The following DCUN1D1 variants were observed in gnomAD, a reference collection of about 807,000 sequenced individuals.
DCUN1D1 encodes defective in cullin neddylation 1 domain containing 1.
In DCUN1D1, 3 loss-of-function variants were observed where a neutral mutation model predicts 39.0. That is an observed-to-expected ratio of 0.08 (90% CI 0.04 to 0.20). The LOEUF is 0.20. DCUN1D1 is among the 10% of genes least tolerant of loss of function. The pLI is 1.00. For missense variants in DCUN1D1, 158 were observed against 302.4 expected (o/e 0.52, Z 3.54); for synonymous variants, 82 against 96.3 (o/e 0.85, Z 0.87).
chr3:182,962,021 T>G (rs553512902), intron 3 of DCUN1D1, among the ~76,000 whole-genome samples: 57 of 152,216 alleles, frequency 3.7e-4, no homozygotes, highest in Non-Finnish European at 7.2e-4. Context: ...TCAATTCAAT[T>G]TTTTTCCTTC....
chr3:182,964,980 C>T lies in DCUN1D1; in HGVS notation c.220+557G>A, dbSNP rs1302267118. Among the ~76,000 whole-genome samples, 4 of 151,958 alleles carry T rather than the reference C, an allele frequency of 2.6e-5. No homozygotes were observed. The East Asian group carries it at 7.7e-4, about 29-fold the overall frequency. On this transcript the variant is annotated intron_variant, in intron 2 of 6. Coordinates refer to ENST00000292782, the MANE Select transcript of DCUN1D1 (RefSeq NM_020640.4). ...AAAAGTAATCTGGCAATATTTCCAG[C>T]AATAAAAAACATGAACATAATTTGA... is the stretch of plus-strand genomic sequence containing the variant.
intron 1 of DCUN1D1, among the ~76,000 whole-genome samples, chr3:182,972,014 T>G (rs528608468): frequency 6.9e-6 from 1 of 145,018 alleles, no homozygotes; most frequent in African/African-American, 2.5e-5. Context: ...ACAACCTAAC[T>G]AAAAAGATAA....
intron 4 of DCUN1D1, among the ~76,000 whole-genome samples, chr3:182,957,956 A>AAAAAAC (rs1727174245): frequency 6.6e-6 from 1 of 150,994 alleles, no homozygotes; most frequent in Non-Finnish European, 1.5e-5. Context: ...AAAAAAAAAA[A>AAAAAAC]AAAAACAGAA....
At chr3:182,982,214 C>T (rs958151649), upstream of DCUN1D1, among the ~76,000 whole-genome samples, 2 of 152,160 alleles carry the variant, frequency 1.3e-5, no homozygotes, top group Non-Finnish European at 2.9e-5. Context: ...ATGACTCCAC[C>T]TTCTCCTGCA....
chr3:182,982,936 G>A (rs1041202984), upstream of DCUN1D1, among the ~76,000 whole-genome samples: 18 of 152,052 alleles, frequency 1.2e-4, no homozygotes, highest in Non-Finnish European at 2.4e-4. Context: ...GAGCCACCGC[G>A]CCTGGCCAGC....
chr3:182,972,594 A>C (rs914853553), intron 1 of DCUN1D1, among the ~76,000 whole-genome samples: 2 of 152,036 alleles, frequency 1.3e-5, no homozygotes, highest in Non-Finnish European at 2.9e-5. Flanking sequence ...TGGGCAACAC[A>C]GCAAGATCTG....
intron 1 of DCUN1D1, among the ~76,000 whole-genome samples, chr3:182,979,476 C>T (rs1728404456): frequency 6.6e-6 from 1 of 152,088 alleles, no homozygotes; most frequent in Non-Finnish European, 1.5e-5. Context: ...ATTCAACTCA[C>T]GCTCAGACTG....
At chr3:182,955,928 AC>A (rs901435287) in intron 4 of DCUN1D1, 2 of 108,492 alleles carry the variant, frequency 1.8e-5, no homozygotes, top group African/African-American at 6.0e-5. Context: ...TGCTTATCAA[AC>A]TTTTTTTTTT....
At position 182,959,583 on chromosome 3, in the gene DCUN1D1, T is replaced by G. The variant is rs555729295; in HGVS notation, c.520+1643A>C. Among the ~76,000 whole-genome samples, 10 of 148,766 alleles carry G rather than the reference T, an allele frequency of 6.7e-5. No individual in the cohort carries two copies. The East Asian group carries it at 1.8e-3, about 27-fold the overall frequency. ...ACCTTCCTGTGCCTAAATTTCCTCA[T>G]CTTCAAATTAAGGATAATAAACTGC... On this transcript the variant is annotated intron_variant, in intron 4 of 6. Transcript: ENST00000292782.
chr3:182,978,580 G>C (rs1308319853), intron 1 of DCUN1D1, among the ~76,000 whole-genome samples: 1 of 151,976 alleles, frequency 6.6e-6, no homozygotes, highest in Non-Finnish European at 1.5e-5. Context: ...ACTATGTTGC[G>C]CAGGCTGGTC....
intron 6 of DCUN1D1, among the ~76,000 whole-genome samples, chr3:182,946,300 G>A (rs377542628): frequency 1.3e-5 from 2 of 152,216 alleles, no homozygotes; most frequent in East Asian, 3.9e-4. Context: ...GCTCATGCCT[G>A]TAATCCCAGC....
intron 4 of DCUN1D1, chr3:182,955,819 G>C (rs1577171582): frequency 8.6e-6 from 2 of 232,610 alleles, no homozygotes; most frequent in African/African-American, 4.6e-5. Context: ...GACCTCAGGA[G>C]ATCCACCTGC....
At chr3:182,972,811 G>A (rs552137270) in intron 1 of DCUN1D1, among the ~76,000 whole-genome samples, 6 of 152,122 alleles carry the variant, frequency 3.9e-5, no homozygotes, top group African/African-American at 9.7e-5. Context: ...GAGGCCAAGA[G>A]GGGGGCGGAT....
Position 182,945,186 on chromosome 3 carries a change from A to G in DCUN1D1, c.701-13T>C, listed in dbSNP as rs772014555. On this transcript the variant is annotated splice_polypyrimidine_tract_variant and intron_variant, in intron 6 of 6. Coordinates refer to ENST00000292782, the MANE Select transcript of DCUN1D1 (RefSeq NM_020640.4). ...ACAGGCCATGCTCCTGGAAAAAAGA[A>G]AAAATATGAAAGAAAGAGAAGGGGG... 3 of 1,588,802 alleles carry G rather than the reference A, an allele frequency of 1.9e-6. No individual in the cohort carries two copies. Among genetic ancestry groups the G allele is most frequent in the Non-Finnish European group, 2.6e-6 (3 of 1,171,286 alleles).
intron 4 of DCUN1D1, among the ~76,000 whole-genome samples, chr3:182,958,919 G>C (rs1055799890): frequency 3.3e-5 from 5 of 151,978 alleles, no homozygotes; most frequent in Non-Finnish European, 7.4e-5. Context: ...TCCAGTAAAG[G>C]GTAGCGATAT....
At chr3:182,948,305 G>T (rs921124445) in intron 4 of DCUN1D1, among the ~76,000 whole-genome samples, 4 of 152,130 alleles carry the variant, frequency 2.6e-5, no homozygotes, top group Admixed American at 6.5e-5. Flanking sequence ...AAGAAACCAA[G>T]AATTTCTTAA....
At chr3:182,946,190 G>A (rs1726388696) in intron 6 of DCUN1D1, among the ~76,000 whole-genome samples, 1 of 152,120 alleles carries the variant, frequency 6.6e-6, no homozygotes, top group African/African-American at 2.4e-5. Context: ...CATTTATGAA[G>A]AAATAGCAGA....
intron 4 of DCUN1D1, among the ~76,000 whole-genome samples, chr3:182,952,034 G>C (rs900295733): frequency 6.6e-6 from 1 of 152,038 alleles, no homozygotes; most frequent in Non-Finnish European, 1.5e-5. Flanking sequence ...CTCATTGCCC[G>C]GTTTCCCCAT....
rs2108619333 is a variant in DCUN1D1, at chr3:182,944,941, G to A, written c.*153C>T. 1.6e-6 allele frequency: 1 copy of A among 615,196 alleles called. No homozygotes were observed. Among genetic ancestry groups the A allele is most frequent in the East Asian group, 3.0e-5 (1 of 33,666 alleles). 38.1% of individuals were successfully genotyped at this position (615,196 alleles called of 1,614,324 possible). On this transcript the variant is annotated 3_prime_UTR_variant, in exon 7 of 7. Transcript: ENST00000292782. ...CCATTAGAAGAATGAAATACGATAT[G>A]GTCCAAGATGTATCCTTAAAGTTTT...
Sources: allele counts gnomAD v4.1 joint callset (sites outside exome capture counted in the v4.1 genomes callset), GRCh38; gene constraint gnomAD v4.1.1; transcripts MANE v1.5; gene names NCBI Gene and HGNC (gene_info 2026-07-23, HGNC 2026-07-21).